AHR: variants seen among roughly 807,000 people sequenced by gnomAD.
AHR encodes AH-receptor.
Under a neutral mutation model 86.8 loss-of-function variants are expected in AHR, and 40 were observed. That is an observed-to-expected ratio of 0.46 (90% CI 0.36 to 0.60). The LOEUF (loss-of-function observed/expected upper bound fraction) is 0.60, where lower values mean the gene tolerates loss of function less well. Among genes scored for constraint, AHR ranks in the 20% least tolerant of loss-of-function variants. The pLI is 0.00. For synonymous variants in AHR, 398 were observed against 354.9 expected (o/e 1.12, Z -1.37); for missense variants, 1,001 against 1,011.6 (o/e 0.99, Z 0.14).
intron 1 of AHR, among the ~76,000 whole-genome samples, chr7:17,306,469 ATTCCTCTGTGTATTTGACTTTC>A (rs910778460): frequency 1.3e-5 from 2 of 152,064 alleles, no homozygotes; most frequent in African/African-American, 2.4e-5. Context: ...CCTGACCTTA[ATTCCTCTGTGTATTTGACTTTC>A]TTCCTCTGTG....
At chr7:17,316,216 C>A (rs1185143090) in intron 2 of AHR, among the ~76,000 whole-genome samples, 3 of 152,074 alleles carry the variant, frequency 2.0e-5, no homozygotes, top group Admixed American at 6.6e-5. Context: ...AACTGAAATG[C>A]AATGAAAGTG....
chr7:17,331,239 A>G (rs754429598), intron 6 of AHR, among the ~76,000 whole-genome samples: 2 of 151,910 alleles, frequency 1.3e-5, no homozygotes, highest in African/African-American at 4.8e-5. Context: ...TGAAGTTGCA[A>G]TTCCTTGGTA....
intron 1 of AHR, among the ~76,000 whole-genome samples, chr7:17,306,130 A>T (rs184893052): frequency 6.6e-6 from 1 of 151,898 alleles, no homozygotes; most frequent in African/African-American, 2.4e-5. Context: ...TCTTACAGGG[A>T]TGTTTATTTA....
chr7:17,336,087 T>C (rs1405055848), intron 9 of AHR: 2 of 227,684 alleles, frequency 8.8e-6, no homozygotes, highest in East Asian at 1.2e-4. Flanking sequence ...ATAACAATGC[T>C]TTATTTAGAA....
chr7:17,320,170 TTTAA>T (rs748100189), intron 2 of AHR, among the ~76,000 whole-genome samples: 7 of 151,976 alleles, frequency 4.6e-5, no homozygotes, highest in Non-Finnish European at 8.8e-5. Flanking sequence ...CCTGTAATAC[TTTAA>T]TTAAACCCTA....
At position 17,322,606 on chromosome 7, in the gene AHR, A is replaced by G; in HGVS notation, c.359A>G (p.Gln120Arg). The G allele has an allele frequency of 6.3e-7, 1 of 1,587,044 alleles. No individual in the cohort carries two copies. The highest frequency in any genetic ancestry group is 1.1e-5 in the South Asian group (1 of 89,884). The change falls in exon 3 of 11, where the codon CAG (glutamine) becomes CGG (arginine). Residue 120 changes from glutamine (Q) to arginine (R), a missense_variant and splice_region_variant. By Grantham distance (43) the Gln-to-Arg change is conservative. Coordinates refer to ENST00000242057, the MANE Select transcript of AHR (RefSeq NM_001621.5). ...LNLQEGEFLL[Q>R]ALNGFVLVVT... ...TTACAAGAAGGAGAATTCTTATTAC[A>G]GGTAAATTTTAGTAAATATAGTTTC...
chr7:17,326,170 C>T (rs1391008516), intron 3 of AHR, among the ~76,000 whole-genome samples: 2 of 151,998 alleles, frequency 1.3e-5, no homozygotes, highest in African/African-American at 4.8e-5. Context: ...ATGGCACTTA[C>T]CTCATTGGGT....
In AHR at chr7:17,330,802, G is replaced by T. The variant is rs970407246; in HGVS notation, c.621G>T (p.Gln207His). Reference sequence around the variant, plus strand: ...CAGTAGTCTGTTATAACCCAGACCAGATTCCTCCAGAAAACTCTCCTTTAA... The same window carrying T: ...CAGTAGTCTGTTATAACCCAGACCATATTCCTCCAGAAAACTCTCCTTTAA... ...PQTVVCYNPD[Q>H]IPPENSPLME... is the part of the protein sequence containing the mutation. The change falls in exon 6 of 11, where the codon CAG becomes CAT. Residue 207 changes from glutamine (Q) to histidine (H), a missense_variant. Transcript: ENST00000242057. The T allele has an allele frequency of 1.9e-6, 3 of 1,612,416 alleles. No homozygotes were observed. In the African/African-American group the frequency reaches 4.0e-5, roughly 22 times the overall value.
At position 17,346,119 on chromosome 7, in the gene AHR, A is replaced by AT. The variant is rs1171288996; in HGVS notation, c.*3056dup. ...ATCCTCATTATCAAAGTTGTATACA[A>AT]TAATATATAATAAAATAACAAATAT... On this transcript the variant is annotated 3_prime_UTR_variant, in exon 11 of 11. Coordinates refer to ENST00000242057, the MANE Select transcript of AHR (RefSeq NM_001621.5). 6.6e-6 allele frequency: 1 copy of AT among 152,486 alleles called. No homozygotes were observed. The highest frequency in any genetic ancestry group is 1.5e-5 in the Non-Finnish European group (1 of 67,986). The allele number at this position is 152,486 out of a possible 1,614,324, so 9.4% of individuals were successfully genotyped here.
chr7:17,343,436 G>C lies in AHR; in HGVS notation c.*372G>C, dbSNP rs1562483844. ...TGTCACAGTAAAAATAAAATACTTT[G>C]AGTTTTGAGCTACTGGATTCTTATT... On this transcript the variant is annotated 3_prime_UTR_variant, in exon 11 of 11. Transcript: ENST00000242057. The C allele has an allele frequency of 5.3e-6, 1 of 188,342 alleles. No homozygotes were observed. 11.7% of individuals were successfully genotyped at this position (188,342 alleles called of 1,614,324 possible). A position where few individuals can be genotyped will look rare whatever the true frequency, so the allele number is the denominator to read the frequency against.
chr7:17,306,852 T>C (rs1484950998), intron 1 of AHR, among the ~76,000 whole-genome samples: 1 of 152,192 alleles, frequency 6.6e-6, no homozygotes, highest in Non-Finnish European at 1.5e-5. Context: ...TTTGGTCAGG[T>C]TGTGATCATT....
chr7:17,304,558 C>T (rs1217672484), intron 1 of AHR, among the ~76,000 whole-genome samples: 1 of 152,024 alleles, frequency 6.6e-6, no homozygotes, highest in Non-Finnish European at 1.5e-5. Flanking sequence ...TTGCAGAAAG[C>T]TAGATATTCT....
intron 10 of AHR, 35 bp from the exon 11 acceptor site, chr7:17,342,886 A>C: frequency 6.3e-7 from 1 of 1,591,216 alleles, no homozygotes; most frequent in Non-Finnish European, 8.6e-7. Context: ...TGGAAGATCT[A>C]TTCCAATAAG....
chr7:17,306,543 GT>G (rs1268111625), intron 1 of AHR, among the ~76,000 whole-genome samples: 1 of 151,598 alleles, frequency 6.6e-6, no homozygotes, highest in Non-Finnish European at 1.5e-5. Flanking sequence ...TTCTACCCTG[GT>G]TTTTTTCCGT....
intron 2 of AHR, among the ~76,000 whole-genome samples, chr7:17,315,187 C>G (rs1422018192): frequency 1.3e-5 from 2 of 151,962 alleles, no homozygotes; most frequent in African/African-American, 4.8e-5. Context: ...AATGAATATA[C>G]AAATCCTGGC....
chr7:17,318,134 T>C (rs1782134762), intron 2 of AHR, among the ~76,000 whole-genome samples: 1 of 152,138 alleles, frequency 6.6e-6, no homozygotes, highest in East Asian at 1.9e-4. Flanking sequence ...ATGCTTTCCC[T>C]GGCAAGATCA....
intron 1 of AHR, among the ~76,000 whole-genome samples, chr7:17,305,612 T>C (rs1307878639): frequency 3.3e-5 from 5 of 152,062 alleles, no homozygotes; most frequent in Admixed American, 3.3e-4. Context: ...TAAGAGTAGA[T>C]TAAATCACCC....
intron 3 of AHR, among the ~76,000 whole-genome samples, chr7:17,325,996 G>C (rs141527945): frequency 6.6e-6 from 1 of 152,086 alleles, no homozygotes; most frequent in African/African-American, 2.4e-5. Flanking sequence ...ATTTGGGATC[G>C]ATAACACATA....
rs1781915909 is a variant in AHR, at chr7:17,298,716, AG to A, written c.-545del. The stretch of plus-strand genomic sequence containing the variant: ...GTGCCCCGGACCGCCAGCTCAGAAC[AG>A]GGGCAGCCGTGTAGCCGAACGGAAG... On this transcript the variant is annotated 5_prime_UTR_variant, in exon 1 of 11. Transcript: ENST00000242057. 2.5e-6 allele frequency: 1 copy of A among 396,770 alleles called. No individual in the cohort carries two copies. Among genetic ancestry groups the A allele is most frequent in the African/African-American group, 2.1e-5 (1 of 48,490 alleles). The allele number at this position is 396,770 out of a possible 1,614,324, so 24.6% of individuals were successfully genotyped here.
Sources: allele counts gnomAD v4.1 joint callset (sites outside exome capture counted in the v4.1 genomes callset), GRCh38; gene constraint gnomAD v4.1.1; transcripts MANE v1.5; gene names NCBI Gene and HGNC (gene_info 2026-07-23, HGNC 2026-07-21).